Variants in KDM2A observed in about 807,000 individuals in gnomAD.
KDM2A encodes lysine demethylase 2A.
Under a neutral mutation model 137.3 loss-of-function variants are expected in KDM2A, and 3 were observed. That is an observed-to-expected ratio of 0.02 (90% confidence interval 0.01 to 0.06). KDM2A has a LOEUF of 0.06. Among genes scored for constraint, KDM2A ranks in the 10% least tolerant of loss-of-function variants. KDM2A has a pLI of 1.00. For synonymous variants in KDM2A, 512 were observed against 541.5 expected (o/e 0.95, Z 0.76); for missense variants, 738 against 1,510.6 (o/e 0.49, Z 8.48).
chr11:67,148,397 G>A (rs1219211365), intron 2 of KDM2A, among the ~76,000 whole-genome samples: 1 of 152,118 alleles, frequency 6.6e-6, no homozygotes, highest in Non-Finnish European at 1.5e-5. Context: ...TTCCAGCCTA[G>A]ACAACAGAGT....
intron 12 of KDM2A, among the ~76,000 whole-genome samples, chr11:67,236,603 GTT>G (rs1858879024): frequency 6.6e-6 from 1 of 152,044 alleles, no homozygotes; most frequent in African/African-American, 2.4e-5. Context: ...CGACTTTCCT[GTT>G]TTCTCTAAAC....
At chr11:67,224,032 T>C (rs1213673363) in intron 10 of KDM2A, among the ~76,000 whole-genome samples, 3 of 152,188 alleles carry the variant, frequency 2.0e-5, no homozygotes, top group African/African-American at 4.8e-5. Context: ...ATTAGAAAAC[T>C]GATTGGGGCT....
intron 5 of KDM2A, chr11:67,196,043 C>A: frequency 2.5e-6 from 1 of 403,378 alleles, no homozygotes. Context: ...TAGATGTAAT[C>A]TTTTTATTGC....
At chr11:67,224,461 CTTTTT>C (rs35180780) in intron 10 of KDM2A, among the ~76,000 whole-genome samples, 3 of 95,164 alleles carry the variant, frequency 3.2e-5, no homozygotes, top group Admixed American at 1.5e-4. Flanking sequence ...TAACCCCTTT[CTTTTT>C]TTTTTTTTTT....
At chr11:67,209,430 A>ATTT (rs1590787710) in intron 6 of KDM2A, among the ~76,000 whole-genome samples, 1 of 150,230 alleles carries the variant, frequency 6.7e-6, no homozygotes, top group East Asian at 2.0e-4. Context: ...CTAGAATTTT[A>ATTT]TTTTATTATT....
intron 12 of KDM2A, among the ~76,000 whole-genome samples, chr11:67,240,985 C>T (rs899833147): frequency 3.3e-5 from 5 of 152,168 alleles, no homozygotes; most frequent in Non-Finnish European, 5.9e-5. Context: ...AAAAATCTTG[C>T]AGGTAGAATT....
At chr11:67,132,310 G>T (rs1855872322) in intron 2 of KDM2A, among the ~76,000 whole-genome samples, 1 of 152,186 alleles carries the variant, frequency 6.6e-6, no homozygotes, top group African/African-American at 2.4e-5. Context: ...TGGATATGGA[G>T]TCTCACTGCG....
chr11:67,158,412 C>T (rs1400195021), intron 2 of KDM2A, among the ~76,000 whole-genome samples: 1 of 152,202 alleles, frequency 6.6e-6, no homozygotes, highest in African/African-American at 2.4e-5. Flanking sequence ...TTTGTGTGGA[C>T]ATGAGTTTTC....
chr11:67,231,843 C>G lies in KDM2A; in HGVS notation c.1362C>G (p.Thr454=). ...GAAAGGACAGGCAAGTGCATCTGAC[C>G]CATTTTGAGCTTGAAGGCCTTCGCT... ...APRKDRQVHL[T]HFELEGLRCL... Residue 454 remains threonine, a synonymous_variant, in exon 12 of 21, where the codon ACC becomes ACG. Transcript: ENST00000529006. 1 of 1,613,974 alleles carries G rather than the reference C, an allele frequency of 6.2e-7. No individual in the cohort carries two copies. Among genetic ancestry groups the G allele is most frequent in the African/African-American group, 1.3e-5 (1 of 75,038 alleles).
chr11:67,223,040 A>C (rs899218326), intron 10 of KDM2A, among the ~76,000 whole-genome samples: 1 of 151,948 alleles, frequency 6.6e-6, no homozygotes, highest in African/African-American at 2.4e-5. Flanking sequence ...TAAAAATACA[A>C]AATTAGCCAG....
At chr11:67,213,294 A>G (rs1858050699) in intron 6 of KDM2A, among the ~76,000 whole-genome samples, 1 of 152,226 alleles carries the variant, frequency 6.6e-6, no homozygotes, top group Non-Finnish European at 1.5e-5. Flanking sequence ...CATAAGTTAG[A>G]TATTTACCAC....
chr11:67,161,167 A>T (rs1856628442), intron 2 of KDM2A, among the ~76,000 whole-genome samples: 1 of 152,170 alleles, frequency 6.6e-6, no homozygotes, highest in African/African-American at 2.4e-5. Flanking sequence ...TTTGAGACTA[A>T]CTTGAGAACG....
chr11:67,232,064 A>G (rs1475572505), intron 12 of KDM2A, 104 bp downstream of exon 12: 1 of 1,135,406 alleles, frequency 8.8e-7, no homozygotes, highest in African/African-American at 1.6e-5. Context: ...TCTCTGGTTC[A>G]GTCAGAGAGA....
At chr11:67,187,153 A>G (rs1405700658) in intron 5 of KDM2A, among the ~76,000 whole-genome samples, 1 of 152,202 alleles carries the variant, frequency 6.6e-6, no homozygotes, top group African/African-American at 2.4e-5. Context: ...TCTATAGTAT[A>G]TATACAGAAG....
chr11:67,151,079 G>T (rs995859869), intron 2 of KDM2A, among the ~76,000 whole-genome samples: 8 of 152,170 alleles, frequency 5.3e-5, no homozygotes, highest in African/African-American at 9.7e-5. Flanking sequence ...AGTTTAGTTT[G>T]TAAGTTATAC....
At chr11:67,200,169 C>T (rs1012125843) in intron 5 of KDM2A, among the ~76,000 whole-genome samples, 6 of 152,022 alleles carry the variant, frequency 3.9e-5, no homozygotes, top group African/African-American at 1.4e-4. Context: ...ACCTCTTCAC[C>T]CAAGACCTCT....
At chr11:67,233,197 T>A (rs1205039197) in intron 12 of KDM2A, among the ~76,000 whole-genome samples, 4 of 151,952 alleles carry the variant, frequency 2.6e-5, no homozygotes, top group Non-Finnish European at 4.4e-5. Flanking sequence ...TCACATAGAT[T>A]ATTTTAAGCT....
At chr11:67,163,887 T>C (rs951856011) in intron 2 of KDM2A, among the ~76,000 whole-genome samples, 4 of 151,910 alleles carry the variant, frequency 2.6e-5, no homozygotes, top group South Asian at 2.1e-4. Flanking sequence ...GTTGCTGATA[T>C]TTTTTGAGTA....
At chr11:67,189,086 T>C (rs777437625) in intron 5 of KDM2A, among the ~76,000 whole-genome samples, 3 of 152,116 alleles carry the variant, frequency 2.0e-5, no homozygotes, top group Non-Finnish European at 4.4e-5. Context: ...ACAGACAGAA[T>C]CCTACCTAAC....
Sources: allele counts gnomAD v4.1 joint callset (sites outside exome capture counted in the v4.1 genomes callset), GRCh38; gene constraint gnomAD v4.1.1; transcripts MANE v1.5; gene names NCBI Gene and HGNC (gene_info 2026-07-23, HGNC 2026-07-21).